Variants in PALM2AKAP2 observed in about 807,000 individuals in gnomAD.
The protein encoded by PALM2AKAP2 is PALM2 and AKAP2 fusion.
A neutral mutation model predicts 71.5 loss-of-function variants in PALM2AKAP2; 37 were observed. That is an observed-to-expected ratio of 0.52 (90% confidence interval 0.40 to 0.68). The LOEUF (loss-of-function observed/expected upper bound fraction) is 0.68, where lower values mean the gene tolerates loss of function less well. Among genes scored for constraint, PALM2AKAP2 ranks in the 30% least tolerant of loss-of-function variants. PALM2AKAP2 has a pLI of 0.00. For missense variants in PALM2AKAP2, 1,224 were observed against 1,191.8 expected (o/e 1.03, Z -0.40); for synonymous variants, 468 against 478.8 (o/e 0.98, Z 0.29).
intron 1 of PALM2AKAP2, among the ~76,000 whole-genome samples, chr9:109,664,965 T>G (rs1827458350): frequency 6.6e-6 from 1 of 152,232 alleles, no homozygotes; most frequent in Admixed American, 6.5e-5. Flanking sequence ...TTTCTTCCAC[T>G]TGATTGAATC....
At chr9:110,109,040 C>G (rs566524284) in intron 1 of PALM2AKAP2, among the ~76,000 whole-genome samples, 36 of 151,768 alleles carry the variant, frequency 2.4e-4, no homozygotes, top group African/African-American at 8.5e-4. Flanking sequence ...GAAACCGGTC[C>G]GGCGCGGTGG....
At chr9:109,763,936 A>G (rs753349414) in intron 1 of PALM2AKAP2, among the ~76,000 whole-genome samples, 10 of 152,172 alleles carry the variant, frequency 6.6e-5, no homozygotes, top group Non-Finnish European at 1.5e-4. Context: ...CCTTAAATTC[A>G]GGATGATTTA....
intron 1 of PALM2AKAP2, among the ~76,000 whole-genome samples, chr9:109,804,245 G>T (rs1827515631): frequency 6.6e-6 from 1 of 152,034 alleles, no homozygotes. Context: ...ACAGAGCATG[G>T]CATGGAGGAA....
intron 1 of PALM2AKAP2, among the ~76,000 whole-genome samples, chr9:110,098,710 A>G (rs1834921069): frequency 6.6e-6 from 1 of 152,218 alleles, no homozygotes; most frequent in Admixed American, 6.5e-5. Flanking sequence ...ATTGGAAACT[A>G]AAGTCACTTT....
chr9:110,007,835 T>C (rs1423499814), intron 6 of PALM2AKAP2, among the ~76,000 whole-genome samples: 1 of 152,222 alleles, frequency 6.6e-6, no homozygotes, highest in Non-Finnish European at 1.5e-5. Context: ...TGCCCATTTT[T>C]GTACTTAGTT....
intron 6 of PALM2AKAP2, among the ~76,000 whole-genome samples, chr9:109,971,283 CTTTTTT>C (rs11392589): frequency 1.3e-4 from 6 of 45,638 alleles, no homozygotes; most frequent in African/African-American, 3.7e-4. Context: ...CTCTTAGTCC[CTTTTTT>C]TTTTTTTTTT....
At chr9:110,128,026 G>C (rs914356) in intron 1 of PALM2AKAP2, 93,569 of 151,988 alleles carry the variant, frequency 0.62, 28,791 homozygotes, top group East Asian at 0.75. Context: ...GTGTTGACCT[G>C]TTCAACTTCT....
Position 110,150,218 on chromosome 9 carries a change from G to C in PALM2AKAP2, c.2570-6101G>C, listed in dbSNP as rs533905064. Among the ~76,000 whole-genome samples the C allele has an allele frequency of 2.6e-5, 4 of 152,336 alleles. No homozygotes were observed. The South Asian group carries it at 8.3e-4, about 32-fold the overall frequency. ...CCTTCAGCAGAAACCGACCATTCTG[G>C]CACCTCGATCTTGGACTTCCAGACT... On this transcript the variant is annotated intron_variant, in intron 2 of 3. Transcript: ENST00000374525.
chr9:109,971,180 C>A (rs56205019), intron 6 of PALM2AKAP2, among the ~76,000 whole-genome samples: 5,325 of 151,742 alleles, frequency 0.035, 200 homozygotes, highest in East Asian at 0.16. Flanking sequence ...ATGCCTAGAA[C>A]CATGCCTGGC....
intron 1 of PALM2AKAP2, among the ~76,000 whole-genome samples, chr9:109,684,959 A>G (rs1827787311): frequency 6.6e-6 from 1 of 152,208 alleles, no homozygotes; most frequent in African/African-American, 2.4e-5. Context: ...ATAAAATGTT[A>G]CTGAACCATA....
chr9:110,040,663 A>T (rs954171712), intron 7 of PALM2AKAP2, among the ~76,000 whole-genome samples: 6 of 151,948 alleles, frequency 3.9e-5, no homozygotes, highest in African/African-American at 1.5e-4. Context: ...TTACAGTCGT[A>T]TTTTTTTTAA....
chr9:110,138,416 C>A (rs561065144), exon 2 of PALM2AKAP2: 2 of 1,614,092 alleles, frequency 1.2e-6, no homozygotes, highest in African/African-American at 1.3e-5. Context: ...GGAAGAGATC[C>A]GAGCAGCTCA....
chr9:110,002,139 T>C (rs1832693544), intron 6 of PALM2AKAP2, among the ~76,000 whole-genome samples: 2 of 152,312 alleles, frequency 1.3e-5, no homozygotes, highest in East Asian at 3.9e-4. Context: ...CAGTATGATA[T>C]TGGCTGTGGG....
At position 109,977,840 on chromosome 9, in the gene PALM2AKAP2, G is replaced by A. The variant is rs368815866; in HGVS notation, c.497-38114G>A. ...CAGCTTCCTTTGACTCCCAAGCTCT[G>A]TTTTCAGTCCCACCTTGAAATAGGG... On this transcript the variant is annotated intron_variant, in intron 6 of 9. Transcript: ENST00000302798. 9.5e-4 allele frequency among the ~76,000 whole-genome samples: 145 copies of A among 152,120 alleles called. 1 individual carries two copies. The highest frequency in any genetic ancestry group is 3.4e-3 in the African/African-American group (141 of 41,508).
intron 1 of PALM2AKAP2, among the ~76,000 whole-genome samples, chr9:109,791,236 AT>A (rs1827104386): frequency 6.6e-6 from 1 of 152,222 alleles, no homozygotes; most frequent in South Asian, 2.1e-4. Context: ...ATTGGATGCG[AT>A]GAGGGAGAAT....
intron 5 of PALM2AKAP2, among the ~76,000 whole-genome samples, chr9:109,930,983 A>G (rs1173317082): frequency 6.6e-6 from 1 of 152,218 alleles, no homozygotes; most frequent in Non-Finnish European, 1.5e-5. Flanking sequence ...TACAGTGAGC[A>G]GTTAGATGTA....
At chr9:109,928,704 C>A (rs542357294) in intron 5 of PALM2AKAP2, among the ~76,000 whole-genome samples, 8 of 150,646 alleles carry the variant, frequency 5.3e-5, no homozygotes, top group African/African-American at 2.0e-4. Context: ...CAGCATCTCA[C>A]TCTGTCACCC....
intron 7 of PALM2AKAP2, among the ~76,000 whole-genome samples, chr9:110,017,152 T>G (rs1398555758): frequency 6.6e-6 from 1 of 152,252 alleles, no homozygotes; most frequent in Non-Finnish European, 1.5e-5. Context: ...GTGCTGGGAT[T>G]ACAGGCATGA....
chr9:109,934,984 G>A (rs1831189509), intron 6 of PALM2AKAP2, among the ~76,000 whole-genome samples: 1 of 152,272 alleles, frequency 6.6e-6, no homozygotes, highest in African/African-American at 2.4e-5. Context: ...GAATGTTGCG[G>A]GTTTCATGGA....
Sources: gnomAD v4.1 joint callset for allele counts (sites outside exome capture counted in the v4.1 genomes callset) on GRCh38, gnomAD v4.1.1 for gene constraint, MANE v1.5 for transcripts, NCBI Gene and HGNC (gene_info 2026-07-23, HGNC 2026-07-21) for gene names.